Variants in DAB1 observed in about 807,000 individuals in gnomAD.
DAB1 encodes disabled homolog 1.
In DAB1, 15 loss-of-function variants were observed where a neutral mutation model predicts 64.6. That is an observed-to-expected ratio of 0.23 (90% CI 0.16 to 0.36). The LOEUF is 0.36. Among genes scored for constraint, DAB1 ranks in the 10% least tolerant of loss-of-function variants. The probability of loss-of-function intolerance (pLI) is 1.00; values close to 1 mark genes in which losing one functional copy is unlikely to be tolerated. For synonymous variants in DAB1, 235 were observed against 251.9 expected (o/e 0.93, Z 0.64); for missense variants, 596 against 706.7 (o/e 0.84, Z 1.78).
At chr1:57,085,574 C>T (rs954834213) in intron 4 of DAB1, among the ~76,000 whole-genome samples, 1 of 152,250 alleles carries the variant, frequency 6.6e-6, no homozygotes, top group South Asian at 2.1e-4. Context: ...TCACACTCTA[C>T]AGCAGAGAAG....
intron 2 of DAB1, among the ~76,000 whole-genome samples, chr1:57,151,919 T>C (rs1001807504): frequency 6.6e-6 from 1 of 150,722 alleles, no homozygotes; most frequent in African/African-American, 2.5e-5. Context: ...GTTCAAGCGA[T>C]TCTCCCGCCT....
At chr1:57,723,147 T>A (rs1647171248) in intron 6 of DAB1, among the ~76,000 whole-genome samples, 1 of 152,148 alleles carries the variant, frequency 6.6e-6, no homozygotes, top group African/African-American at 2.4e-5. Context: ...CTAGTCAACT[T>A]TTTGACTAGA....
At chr1:57,667,699 A>G (rs1646464567) in intron 6 of DAB1, among the ~76,000 whole-genome samples, 1 of 152,096 alleles carries the variant, frequency 6.6e-6, no homozygotes, top group Admixed American at 6.6e-5. Flanking sequence ...TATAGCCATA[A>G]AAAAGAATGA....
intron 9 of DAB1, among the ~76,000 whole-genome samples, chr1:57,052,551 T>A (rs189191539): frequency 8.5e-5 from 13 of 152,312 alleles, no homozygotes; most frequent in Admixed American, 7.8e-4. Context: ...ATAACTCACT[T>A]CTGTGCATTT....
intron 7 of DAB1, among the ~76,000 whole-genome samples, chr1:57,564,206 C>T (rs1645088765): frequency 6.6e-6 from 1 of 152,202 alleles, no homozygotes; most frequent in Non-Finnish European, 1.5e-5. Flanking sequence ...CAAACTCCAA[C>T]AGACCTGCAG....
At chr1:57,840,821 A>G (rs1653016134) in intron 1 of DAB1, among the ~76,000 whole-genome samples, 1 of 152,220 alleles carries the variant, frequency 6.6e-6, no homozygotes, top group Non-Finnish European at 1.5e-5. Flanking sequence ...TTACAGTTCA[A>G]GATGATTTTT....
intron 5 of DAB1, among the ~76,000 whole-genome samples, chr1:57,909,213 T>C (rs373207030): frequency 6.6e-6 from 1 of 152,106 alleles, no homozygotes; most frequent in Non-Finnish European, 1.5e-5. Flanking sequence ...TGTATGAACA[T>C]GGGTGAGTCA....
chr1:57,425,192 G>A (rs1276710323), upstream of DAB1, among the ~76,000 whole-genome samples: 1 of 152,148 alleles, frequency 6.6e-6, no homozygotes, highest in South Asian at 2.1e-4. Context: ...GATTCGCACA[G>A]CACACAAACC....
chr1:57,258,540 C>A (rs758963282), intron 2 of DAB1, among the ~76,000 whole-genome samples: 3 of 152,086 alleles, frequency 2.0e-5, no homozygotes, highest in African/African-American at 7.2e-5. Context: ...TGTAACACAT[C>A]GAGATCATGA....
chr1:57,566,694 T>C (rs897596221), intron 7 of DAB1, among the ~76,000 whole-genome samples: 1 of 152,200 alleles, frequency 6.6e-6, no homozygotes, highest in African/African-American at 2.4e-5. Context: ...GATAAATTCC[T>C]GGACACATAC....
intron 2 of DAB1, among the ~76,000 whole-genome samples, chr1:57,253,503 A>G (rs1669518069): frequency 6.6e-6 from 1 of 152,176 alleles, no homozygotes; most frequent in Non-Finnish European, 1.5e-5. Flanking sequence ...AGTGGCAGAC[A>G]GGGTAGGAAG....
At chr1:57,672,441 C>G (rs188928083) in intron 6 of DAB1, among the ~76,000 whole-genome samples, 5 of 152,138 alleles carry the variant, frequency 3.3e-5, no homozygotes, top group Admixed American at 3.3e-4. Flanking sequence ...TATTTTTTAA[C>G]CCAAGACTAC....
chr1:58,140,904 A>G (rs1188225656), intron 5 of DAB1, among the ~76,000 whole-genome samples: 2 of 152,236 alleles, frequency 1.3e-5, no homozygotes, highest in Admixed American at 6.5e-5. Context: ...AGGAAACTCA[A>G]TCTAAAAACC....
At chr1:57,646,138 G>A (rs1475566302) in intron 7 of DAB1, among the ~76,000 whole-genome samples, 1 of 152,166 alleles carries the variant, frequency 6.6e-6, no homozygotes, top group Non-Finnish European at 1.5e-5. Context: ...GATGGCTGCA[G>A]ATGAATATAA....
intron 7 of DAB1, among the ~76,000 whole-genome samples, chr1:57,645,185 A>T (rs1445017515): frequency 6.6e-6 from 1 of 152,132 alleles, no homozygotes; most frequent in African/African-American, 2.4e-5. Context: ...ACCTAACTGA[A>T]AACATGCCAA....
intron 6 of DAB1, among the ~76,000 whole-genome samples, chr1:57,698,554 G>A (rs1163413458): frequency 6.6e-6 from 1 of 152,146 alleles, no homozygotes; most frequent in African/African-American, 2.4e-5. Flanking sequence ...TATGTCGTCT[G>A]GAGGTTCCTA....
rs567754595 is a variant in DAB1, at chr1:57,191,462, T to G, written c.68-46033A>C. Among the ~76,000 whole-genome samples, 3 of 152,346 alleles carry G rather than the reference T, an allele frequency of 2.0e-5. No individual in the cohort carries two copies. The East Asian group carries it at 5.8e-4, about 29-fold the overall frequency. On this transcript the variant is annotated intron_variant, in intron 2 of 14. Coordinates refer to ENST00000371236, the MANE Select transcript of DAB1 (RefSeq NM_001365792.1). ...CTTCCCTTTACCACTGTCTCATTTC[T>G]TGAGGACCACCATGACTATGGCCTC...
chr1:57,540,160 T>A (rs1644784872), intron 7 of DAB1, among the ~76,000 whole-genome samples: 1 of 152,194 alleles, frequency 6.6e-6, no homozygotes, highest in South Asian at 2.1e-4. Context: ...AGATTTAATT[T>A]TTGCCATTTT....
intron 6 of DAB1, among the ~76,000 whole-genome samples, chr1:57,817,068 A>G (rs1369090354): frequency 6.6e-6 from 1 of 152,122 alleles, no homozygotes; most frequent in Non-Finnish European, 1.5e-5. Flanking sequence ...TAGTCATCAT[A>G]TATTTTACCT....
Sources: gnomAD v4.1 joint callset for allele counts (sites outside exome capture counted in the v4.1 genomes callset) on GRCh38, gnomAD v4.1.1 for gene constraint, MANE v1.5 for transcripts, NCBI Gene and HGNC (gene_info 2026-07-23, HGNC 2026-07-21) for gene names.